ERC1: variants seen among roughly 807,000 people sequenced by gnomAD.
ERC1 encodes the protein RAB6 interacting protein 2.
Under a neutral mutation model 132.0 loss-of-function variants are expected in ERC1, and 56 were observed. The ratio of observed to expected loss-of-function variants is 0.42; its 90% CI spans 0.34 to 0.53. The LOEUF (loss-of-function observed/expected upper bound fraction) is 0.53. Ranked by LOEUF, ERC1 falls within the 20% of genes least tolerant of loss-of-function variation. The pLI is 0.03. For missense variants in ERC1, 1,202 were observed against 1,349.9 expected (o/e 0.89, Z 1.72); for synonymous variants, 478 against 476.1 (o/e 1.00, Z -0.05).
chr12:1,171,353 ATTCT>A (rs1294388907), intron 8 of ERC1, among the ~76,000 whole-genome samples: 9 of 126,294 alleles, frequency 7.1e-5, no homozygotes, highest in African/African-American at 2.6e-4. Context: ...TGGGCAAAAC[ATTCT>A]TTTTTTTTTT....
At chr12:1,220,004 G>A (rs4766249) in intron 12 of ERC1, among the ~76,000 whole-genome samples, 82,300 of 151,882 alleles carry the variant, frequency 0.54, 25,469 homozygotes, top group African/African-American at 0.85. Flanking sequence ...TGCCACCCCT[G>A]TAACCCCACC....
Position 1,444,673 on chromosome 12 carries a change from A to G in ERC1, c.3136A>G (p.Thr1046Ala), listed in dbSNP as rs2093253969. ...DRDPLILRGL[T>A]PPASYNLDDD... is the part of the protein sequence containing the mutation. ...AGACCCCCTGATCCTCCGTGGACTC[A>G]CTCCACCAGCTTCCTATAACTTGGA... Residue 1046 changes from threonine (T) to alanine (A), a missense_variant, in exon 18 of 19, where the codon ACT becomes GCT. Physicochemically the swap from Thr to Ala is moderately conservative, Grantham distance 58. Coordinates refer to ENST00000360905, the MANE Select transcript of ERC1 (RefSeq NM_178040.4). The G allele has an allele frequency of 6.2e-7, 1 of 1,614,084 alleles. No individual in the cohort carries two copies. The highest frequency in any genetic ancestry group is 1.3e-5 in the African/African-American group (1 of 75,016).
intron 16 of ERC1, among the ~76,000 whole-genome samples, chr12:1,388,062 C>T (rs1369276267): frequency 6.6e-6 from 1 of 152,126 alleles, no homozygotes; most frequent in Non-Finnish European, 1.5e-5. Flanking sequence ...TACTAAGAGA[C>T]TAATAAGAGT....
intron 16 of ERC1, among the ~76,000 whole-genome samples, chr12:1,407,602 T>C (rs2091586010): frequency 6.6e-6 from 1 of 152,068 alleles, no homozygotes; most frequent in Non-Finnish European, 1.5e-5. Context: ...CAAAAATTTC[T>C]GTATCAATTT....
rs192061258 is a variant in ERC1, at chr12:1,120,676, A to T, written c.1569+4643A>T. On this transcript the variant is annotated intron_variant, in intron 7 of 18. Coordinates refer to ENST00000360905, the MANE Select transcript of ERC1 (RefSeq NM_178040.4). The stretch of plus-strand genomic sequence containing the variant: ...GCTGATTGTATCAATAAGCCAAAAT[A>T]ATGTACACCTTACTGCTTCAAAGTA... Among the ~76,000 whole-genome samples, 206 of 152,346 alleles carry T rather than the reference A, an allele frequency of 1.4e-3. 4 individuals carry two copies. Among genetic ancestry groups the T allele is most frequent in the Admixed American group, 0.01 (156 of 15,302 alleles).
intron 8 of ERC1, among the ~76,000 whole-genome samples, chr12:1,144,650 GTA>G (rs750389201): frequency 7.8e-5 from 11 of 140,284 alleles, no homozygotes; most frequent in South Asian, 2.2e-4. Context: ...ATATATATAC[GTA>G]TATATATATA....
intron 3 of ERC1, among the ~76,000 whole-genome samples, chr12:1,092,244 G>A (rs1367256497): frequency 3.3e-5 from 5 of 152,058 alleles, no homozygotes; most frequent in South Asian, 2.1e-4. Context: ...TGATCCGCCC[G>A]CCTCGGCCTC....
chr12:1,061,993 T>C, intron 2 of ERC1, among the ~76,000 whole-genome samples: 1 of 141,136 alleles, frequency 7.1e-6, no homozygotes, highest in African/African-American at 2.6e-5. Flanking sequence ...TTTCTTCTTT[T>C]TTTTTTTTTT....
intron 1 of ERC1, among the ~76,000 whole-genome samples, chr12:1,000,393 T>A (rs761441842): frequency 6.7e-6 from 1 of 149,360 alleles, no homozygotes; most frequent in African/African-American, 2.5e-5. Context: ...GGCTGAGGCA[T>A]GAGAATTCCT....
intron 1 of ERC1, among the ~76,000 whole-genome samples, chr12:1,002,058 T>A (rs1331354742): frequency 6.6e-6 from 1 of 151,222 alleles, no homozygotes; most frequent in Non-Finnish European, 1.5e-5. Context: ...GATGGGTGTT[T>A]GCCATGTTGA....
intron 15 of ERC1, among the ~76,000 whole-genome samples, chr12:1,332,969 A>G (rs575945641): frequency 2.6e-5 from 4 of 151,922 alleles, no homozygotes; most frequent in African/African-American, 7.3e-5. Flanking sequence ...TGTACAGATT[A>G]TTTCCTCGCC....
chr12:1,388,500 C>G (rs1395237925), intron 16 of ERC1, among the ~76,000 whole-genome samples: 2 of 152,174 alleles, frequency 1.3e-5, no homozygotes, highest in Non-Finnish European at 1.5e-5. Context: ...TGCACTACTC[C>G]TGGGCAGTGA....
chr12:1,394,138 C>T (rs938913611), intron 16 of ERC1, among the ~76,000 whole-genome samples: 1 of 150,560 alleles, frequency 6.6e-6, no homozygotes. Context: ...CAGTGGCTCA[C>T]ACCTGTAATC....
chr12:1,224,686 AG>A (rs1446803848), intron 12 of ERC1, among the ~76,000 whole-genome samples: 1 of 152,108 alleles, frequency 6.6e-6, no homozygotes, highest in Non-Finnish European at 1.5e-5. Context: ...ATGATAAAAA[AG>A]AAAAAAAAAT....
chr12:1,424,837 A>AGAT lies in ERC1; in HGVS notation c.3024+16591_3024+16593dup, dbSNP rs1194130278. Among the ~76,000 whole-genome samples the AGAT allele has an allele frequency of 7.3e-3, 672 of 92,470 alleles. 3 individuals are homozygous for AGAT. Among genetic ancestry groups the AGAT allele is most frequent in the East Asian group, 1.0e-2 (27 of 2,702 alleles). 60.7% of individuals were successfully genotyped at this position (92,470 alleles called of 152,430 possible). A position where few individuals can be genotyped will look rare whatever the true frequency, so the allele number is the denominator to read the frequency against. Reference sequence around the variant, plus strand: ...TAGATAGATAGATAGATAGATAGATAGATAGATGATAGATAGATAGATAGA... The same window carrying AGAT: ...TAGATAGATAGATAGATAGATAGATAGATGATAGATGATAGATAGATAGATAGA... On this transcript the variant is annotated intron_variant, in intron 17 of 18. Transcript: ENST00000360905.
At chr12:1,341,069 C>CTTTTTCTT (rs2083806518) in intron 15 of ERC1, among the ~76,000 whole-genome samples, 1 of 63,136 alleles carries the variant, frequency 1.6e-5, no homozygotes, top group African/African-American at 6.3e-5. Context: ...TTTTCTTTTT[C>CTTTTTCTT]TTTTTTTTTT....
chr12:1,196,911 C>CT (rs1956337106), intron 12 of ERC1, among the ~76,000 whole-genome samples: 2 of 3,532 alleles, frequency 5.7e-4, no homozygotes, highest in Non-Finnish European at 1.2e-3. Flanking sequence ...TCTCTACACA[C>CT]ACACACACAC....
At chr12:1,328,794 A>G (rs1431436511) in intron 15 of ERC1, among the ~76,000 whole-genome samples, 1 of 152,018 alleles carries the variant, frequency 6.6e-6, no homozygotes, top group African/African-American at 2.4e-5. Flanking sequence ...CATGGATTAA[A>G]ATATCTGTGT....
At chr12:1,441,524 A>T (rs942785079) in intron 17 of ERC1, among the ~76,000 whole-genome samples, 1 of 152,188 alleles carries the variant, frequency 6.6e-6, no homozygotes, top group South Asian at 2.1e-4. Flanking sequence ...CTTCGTGGTC[A>T]TACTTTTTTC....
Sources: gnomAD v4.1 joint callset for allele counts (sites outside exome capture counted in the v4.1 genomes callset) on GRCh38, gnomAD v4.1.1 for gene constraint, MANE v1.5 for transcripts, NCBI Gene and HGNC (gene_info 2026-07-23, HGNC 2026-07-21) for gene names.